The following KIAA1217 variants were observed in gnomAD, a reference collection of about 807,000 sequenced individuals.
KIAA1217 encodes the protein KIAA1217.
KIAA1217 carries 88 observed loss-of-function variants against 163.9 expected under a neutral mutation model. That is an observed-to-expected ratio of 0.54 (90% CI 0.45 to 0.64). KIAA1217 has a LOEUF of 0.64. Among genes scored for constraint, KIAA1217 ranks in the 30% least tolerant of loss-of-function variants. The probability of loss-of-function intolerance (pLI) is 0.00; values close to 1 mark genes in which losing one functional copy is unlikely to be tolerated. For synonymous variants in KIAA1217, 903 were observed against 923.1 expected, an observed-to-expected ratio of 0.98 and a Z score of 0.39; for missense variants, 2,372 against 2,475.0, an observed-to-expected ratio of 0.96 and a Z score of 0.88.
chr10:24,501,319 A>G, intron 8 of KIAA1217, 60 bp from the exon 9 acceptor site: 1 of 1,507,470 alleles, frequency 6.6e-7, no homozygotes, highest in Non-Finnish European at 9.1e-7. Flanking sequence ...TTGGGATGGG[A>G]TGCATAGCTT....
At chr10:23,942,288 A>G (rs1843807517) in intron 1 of KIAA1217, among the ~76,000 whole-genome samples, 3 of 152,186 alleles carry the variant, frequency 2.0e-5, no homozygotes. Context: ...AAATATATTT[A>G]AGAATGTAAT....
chr10:24,092,787 G>A (rs1202209971), intron 2 of KIAA1217, among the ~76,000 whole-genome samples: 9 of 151,744 alleles, frequency 5.9e-5, no homozygotes, highest in Admixed American at 1.3e-4. Context: ...ATGGTAAAAT[G>A]TCAGGGTGAT....
chr10:23,713,308 G>A (rs557488223), intron 1 of KIAA1217, among the ~76,000 whole-genome samples: 19 of 152,164 alleles, frequency 1.2e-4, no homozygotes, highest in African/African-American at 2.9e-4. Flanking sequence ...TTCTAAGACC[G>A]TAAGGCCAAT....
chr10:23,831,161 TGAATTAAA>T (rs1377535057), intron 1 of KIAA1217, among the ~76,000 whole-genome samples: 4 of 151,664 alleles, frequency 2.6e-5, no homozygotes, highest in African/African-American at 7.3e-5. Flanking sequence ...CAACTCAAAA[TGAATTAAA>T]GAGTTCAAAC....
chr10:24,429,370 G>T (rs2059412055), intron 3 of KIAA1217, among the ~76,000 whole-genome samples: 1 of 152,108 alleles, frequency 6.6e-6, no homozygotes, highest in Admixed American at 6.6e-5. Flanking sequence ...AAGGAAAAAA[G>T]AACATTCTTA....
intron 2 of KIAA1217, among the ~76,000 whole-genome samples, chr10:24,353,486 T>C (rs1312235411): frequency 6.6e-6 from 1 of 152,190 alleles, no homozygotes; most frequent in Non-Finnish European, 1.5e-5. Context: ...TCTTAAATGC[T>C]TTTTGAAAGC....
At chr10:24,076,396 A>G (rs2061369038) in intron 2 of KIAA1217, among the ~76,000 whole-genome samples, 1 of 152,236 alleles carries the variant, frequency 6.6e-6, no homozygotes, top group Admixed American at 6.5e-5. Flanking sequence ...GTGGCCATGA[A>G]GAAAAGACAT....
chr10:24,146,576 A>C (rs921196471), intron 2 of KIAA1217, among the ~76,000 whole-genome samples: 1 of 152,172 alleles, frequency 6.6e-6, no homozygotes, highest in African/African-American at 2.4e-5. Context: ...GTCCCAGCTC[A>C]GGAGATGGAG....
At chr10:24,355,728 C>CT (rs869211148) in intron 2 of KIAA1217, among the ~76,000 whole-genome samples, 477 of 32,184 alleles carry the variant, frequency 0.015, 208 homozygotes, top group Non-Finnish European at 0.028. Context: ...AGTCCTCACT[C>CT]TTTTTTTTTT....
At chr10:24,248,715 C>A (rs2074138127) in intron 2 of KIAA1217, among the ~76,000 whole-genome samples, 1 of 144,472 alleles carries the variant, frequency 6.9e-6, no homozygotes, top group South Asian at 2.3e-4. Flanking sequence ...CATACCTAAA[C>A]CTTACCTCTT....
intron 2 of KIAA1217, among the ~76,000 whole-genome samples, chr10:24,133,608 A>C (rs997761449): frequency 6.6e-6 from 1 of 151,908 alleles, no homozygotes; most frequent in Non-Finnish European, 1.5e-5. Flanking sequence ...TATTCCTCTT[A>C]TCTCTCTTCT....
chr10:24,221,443 C>T (rs1177032772), intron 2 of KIAA1217, among the ~76,000 whole-genome samples: 2 of 152,126 alleles, frequency 1.3e-5, no homozygotes, highest in African/African-American at 2.4e-5. Flanking sequence ...GCTGTCTTCC[C>T]AGTTAGGTGC....
chr10:23,954,738 C>T (rs1157079586), intron 1 of KIAA1217, among the ~76,000 whole-genome samples: 1 of 152,084 alleles, frequency 6.6e-6, no homozygotes, highest in Non-Finnish European at 1.5e-5. Flanking sequence ...CACTTTAATC[C>T]TCGGAGCAAA....
chr10:23,928,033 A>T (rs1284933560), intron 1 of KIAA1217, among the ~76,000 whole-genome samples: 4 of 152,226 alleles, frequency 2.6e-5, no homozygotes, highest in African/African-American at 9.6e-5. Context: ...CTGGCAGGGT[A>T]CTTGATATCT....
In KIAA1217 at chr10:23,701,655, A is replaced by G. The variant is rs1450999028; in HGVS notation, c.-321+6421A>G. On this transcript the variant is annotated intron_variant, in intron 1 of 18. Transcript: ENST00000376462. Reference sequence around the variant, plus strand: ...AAATGACCCCTGTAAAGCCCTCCCTAGGGCTAGTAATAGCCTGTATAAATA... The same window carrying G: ...AAATGACCCCTGTAAAGCCCTCCCTGGGGCTAGTAATAGCCTGTATAAATA... Among the ~76,000 whole-genome samples, 3 of 152,318 alleles carry G rather than the reference A, an allele frequency of 2.0e-5. No individual in the cohort carries two copies. In the East Asian group the frequency reaches 5.8e-4, roughly 29 times the overall value.
At chr10:23,768,715 T>G (rs1834658888) in intron 1 of KIAA1217, among the ~76,000 whole-genome samples, 3 of 152,118 alleles carry the variant, frequency 2.0e-5, no homozygotes, top group African/African-American at 7.2e-5. Context: ...GTTGAGAAAA[T>G]ACCTGGATTT....
At chr10:24,068,617 C>G (rs2061063304) in intron 2 of KIAA1217, among the ~76,000 whole-genome samples, 1 of 152,194 alleles carries the variant, frequency 6.6e-6, no homozygotes, top group Non-Finnish European at 1.5e-5. Context: ...AAGATCCTAG[C>G]ATGACATCAA....
intron 1 of KIAA1217, among the ~76,000 whole-genome samples, chr10:23,821,106 T>C (rs1043203591): frequency 2.9e-4 from 20 of 69,050 alleles, no homozygotes; most frequent in East Asian, 6.1e-4. Context: ...TGTGTGTGCG[T>C]GTGTGTGTGT....
At chr10:24,198,157 A>G (rs897938869) in intron 2 of KIAA1217, among the ~76,000 whole-genome samples, 25 of 152,246 alleles carry the variant, frequency 1.6e-4, no homozygotes, top group African/African-American at 5.8e-4. Flanking sequence ...GTGTTGTTTT[A>G]AAGAGTCCCA....
Sources: gnomAD v4.1 joint callset for allele counts (sites outside exome capture counted in the v4.1 genomes callset) on GRCh38, gnomAD v4.1.1 for gene constraint, MANE v1.5 for transcripts, NCBI Gene and HGNC (gene_info 2026-07-23, HGNC 2026-07-21) for gene names.